The following SARS2 variants were observed in gnomAD, a reference collection of about 807,000 sequenced individuals.
SARS2 encodes serine--tRNA ligase, mitochondrial.
Under a neutral mutation model 66.8 loss-of-function variants are expected in SARS2, and 52 were observed. That is an observed-to-expected ratio of 0.78 (90% CI 0.62 to 0.98). The LOEUF (loss-of-function observed/expected upper bound fraction) is 0.98, where lower values mean the gene tolerates loss of function less well. SARS2 is among the 50% of genes least tolerant of loss of function. The probability of loss-of-function intolerance (pLI) is 0.00; values close to 1 mark genes in which losing one functional copy is unlikely to be tolerated. For missense variants in SARS2, 673 were observed against 706.3 expected, an observed-to-expected ratio of 0.95 and a Z score of 0.53; for synonymous variants, 306 against 281.4, an observed-to-expected ratio of 1.09 and a Z score of -0.87.
chr19:38,919,908 T>C, intron 6 of SARS2, 41 bp from the exon 7 acceptor site: 1 of 1,568,614 alleles, frequency 6.4e-7, no homozygotes, highest in Non-Finnish European at 8.8e-7. Flanking sequence ...TGGGCCAGGC[T>C]GGCAGGGAAT....
At chr19:38,922,040 A>G in intron 3 of SARS2, 198 bp downstream of exon 3, 1 of 1,556,332 alleles carries the variant, frequency 6.4e-7, no homozygotes, top group Middle Eastern at 1.7e-4. Flanking sequence ...GGAGGAACGT[A>G]GGACCAAATA....
rs781348902 is a variant in SARS2, at chr19:38,930,755, C to A, written c.-19G>T. On this transcript the variant is annotated 5_prime_UTR_variant, in exon 1 of 16. Transcript: ENST00000221431. ...CAGCCATCTTGGACCGGGAACAAGG[C>A]GGCACTTCGTCCCGCCCACTCCGCG... The A allele has an allele frequency of 1.7e-5, 27 of 1,610,298 alleles. No homozygotes were observed. The East Asian group carries it at 5.3e-4, about 32-fold the overall frequency.
intron 11 of SARS2, 29 bp downstream of exon 11, chr19:38,917,892 C>G (rs753125775): frequency 4.3e-6 from 7 of 1,613,410 alleles, no homozygotes; most frequent in Middle Eastern, 1.6e-4. Context: ...CCCCCCACCC[C>G]AGCCCCGTTT....
At chr19:38,918,231 C>A in intron 9 of SARS2, 92 bp from the exon 10 acceptor site, 1 of 1,393,310 alleles carries the variant, frequency 7.2e-7, no homozygotes, top group Non-Finnish European at 1.0e-6. Context: ...GTGGATGCAA[C>A]CCCAGGTCAA....
Position 38,930,562 on chromosome 19 carries a change from C to G in SARS2, c.175G>C (p.Asp59His), listed in dbSNP as rs886054430. 12 of 1,613,786 alleles carry G rather than the reference C, an allele frequency of 7.4e-6. No homozygotes were observed. Among genetic ancestry groups the G allele is most frequent in the African/African-American group, 1.3e-5 (1 of 74,940 alleles). ...GGGCATGCGCAGAACCGCTCTATGT[C>G]CAGCTGAGGGAGTGCGCTGTAGCCC... is the stretch of plus-strand genomic sequence containing the variant. ...REGYSALPQL[D>H]IERFCACPEE... Residue 59 changes from aspartate to histidine, a missense_variant, in exon 1 of 16, where the codon GAC (aspartate) becomes CAC (histidine). Asp to His is a moderately conservative substitution (Grantham distance 81, BLOSUM62 -1). Transcript: ENST00000221431.
At chr19:38,917,353 G>A (rs1974435456) in intron 12 of SARS2, among the ~76,000 whole-genome samples, 1 of 152,224 alleles carries the variant, frequency 6.6e-6, no homozygotes. Flanking sequence ...AGGGTGAGAG[G>A]AAGTGGGGTT....
intron 2 of SARS2, among the ~76,000 whole-genome samples, chr19:38,925,988 G>A (rs1284660563): frequency 6.6e-6 from 1 of 152,090 alleles, no homozygotes; most frequent in Non-Finnish European, 1.5e-5. Flanking sequence ...CCTAACTTTT[G>A]TATTTTTAGT....
chr19:38,925,170 G>A (rs900756952), intron 2 of SARS2, among the ~76,000 whole-genome samples: 2 of 152,064 alleles, frequency 1.3e-5, no homozygotes, highest in East Asian at 1.9e-4. Context: ...AAAATTAGCC[G>A]GGCGTGGTGG....
rs144697966 is a variant in SARS2, at chr19:38,918,480, G to C, written c.858C>G (p.Ile286Met). 3.2e-4 allele frequency: 520 copies of C among 1,614,084 alleles called. No homozygotes were observed. The highest frequency in any genetic ancestry group is 4.0e-4 in the Non-Finnish European group (467 of 1,180,028). The change falls in exon 9 of 16, where the codon ATC becomes ATG. Residue 286 changes from isoleucine (I) to methionine (M), a missense_variant. Ile to Met is a conservative substitution (Grantham distance 10, BLOSUM62 1). Coordinates refer to ENST00000221431, the MANE Select transcript of SARS2 (RefSeq NM_017827.4). The part of the protein sequence containing the change: ...PNANPSQIYN[I>M]DPARFKDLNL... ...TGAGATCTTTGAAGCGGGCAGGGTC[G>C]ATGTTGTAAATTTGGGATGGGTTGG...
Position 38,915,584 on chromosome 19 carries a change from G to T in SARS2, c.*22C>A, listed in dbSNP as rs199819134. ...AACTCCAGGAAGCAGTGACACCCCC[G>T]AGGGCTGCTGTGGGTGGGTTCTTAG... On this transcript the variant is annotated 3_prime_UTR_variant, in exon 16 of 16. Coordinates refer to ENST00000221431, the MANE Select transcript of SARS2 (RefSeq NM_017827.4). The T allele has an allele frequency of 4.3e-6, 7 of 1,609,972 alleles. No individual in the cohort carries two copies. In the East Asian group the frequency reaches 1.6e-4, roughly 36 times the overall value.
rs762837815 is a variant in SARS2 at position 38,918,449 on chromosome 19, C to A, written c.889G>T (p.Ala297Ser). ...GCAAGCCCCACCTCCGCTGTTCCAG[C>A]CAGGTTGAGATCTTTGAAGCGGGCA... The part of the protein sequence containing the change: ...DPARFKDLNL[A>S]GTAEVGLAGY... The change falls in exon 9 of 16, where the codon GCT (alanine) becomes TCT (serine). Residue 297 changes from alanine to serine, a missense_variant. Ala to Ser is a moderately conservative substitution (Grantham distance 99). Coordinates refer to ENST00000221431, the MANE Select transcript of SARS2 (RefSeq NM_017827.4). 1.2e-6 allele frequency: 2 copies of A among 1,614,178 alleles called. No individual in the cohort carries two copies. The highest frequency in any genetic ancestry group is 3.3e-5 in the Admixed American group (2 of 60,030).
In SARS2 at chr19:38,916,326, G is replaced by A; in HGVS notation, c.1161-12C>T. 1 of 1,612,658 alleles carries A rather than the reference G, an allele frequency of 6.2e-7. No homozygotes were observed. On this transcript the variant is annotated splice_polypyrimidine_tract_variant and intron_variant, in intron 12 of 15. Transcript: ENST00000221431. Reference sequence around the variant, plus strand: ...GCATATCCAGGACCCTGCGGTCAAGGACGAAGGTGTGGGGAAGGTCAGCGG... The same window carrying A: ...GCATATCCAGGACCCTGCGGTCAAGAACGAAGGTGTGGGGAAGGTCAGCGG...
intron 5 of SARS2, 45 bp downstream of exon 5, chr19:38,921,347 C>A (rs756056889): frequency 6.2e-7 from 1 of 1,606,880 alleles, no homozygotes; most frequent in East Asian, 2.2e-5. Context: ...CCAGAACCCC[C>A]ACACCGCAGG....
chr19:38,921,380 G>A lies in SARS2; in HGVS notation c.589+12C>T. ...AGGGCTTGTCAGCTCCCAGGCCTGG[G>A]GTGTGGCCCACCTGGCTTGTCTCCG... On this transcript the variant is annotated intron_variant, in intron 5 of 15. Coordinates refer to ENST00000221431, the MANE Select transcript of SARS2 (RefSeq NM_017827.4). The A allele has an allele frequency of 6.2e-7, 1 of 1,612,806 alleles. No individual in the cohort carries two copies. The highest frequency in any genetic ancestry group is 8.5e-7 in the Non-Finnish European group (1 of 1,179,880).
chr19:38,924,396 G>C (rs911584100), intron 2 of SARS2, among the ~76,000 whole-genome samples: 3 of 152,198 alleles, frequency 2.0e-5, no homozygotes, highest in Non-Finnish European at 4.4e-5. Context: ...GATGATAACA[G>C]GACCTCCCTG....
chr19:38,920,980 A>ACACAT (rs1974517880), intron 5 of SARS2, among the ~76,000 whole-genome samples: 1 of 138,230 alleles, frequency 7.2e-6, no homozygotes, highest in Non-Finnish European at 1.6e-5. Context: ...GACACACACA[A>ACACAT]ACACAGACAC....
At chr19:38,922,612 A>C (rs2144773664) in intron 2 of SARS2, among the ~76,000 whole-genome samples, 1 of 152,204 alleles carries the variant, frequency 6.6e-6, no homozygotes. Flanking sequence ...TCTCCACCCA[A>C]ATAATATCTC....
At position 38,930,518 on chromosome 19, in the gene SARS2, G is replaced by A. The variant is rs778590500; in HGVS notation, c.219C>T (p.Ala73=). ...FCACPEEAAH[A]LELRKGELRS... ...GCAGCTCCCCCTTGCGGAGCTCCAG[G>A]GCGTGTGCGGCCTCTTCTGGGCATG... The change falls in exon 1 of 16, where the codon GCC becomes GCT. Residue 73 remains alanine (A), a synonymous_variant. Coordinates refer to ENST00000221431, the MANE Select transcript of SARS2 (RefSeq NM_017827.4). The A allele has an allele frequency of 2.5e-6, 4 of 1,612,730 alleles. No individual in the cohort carries two copies. Among genetic ancestry groups the A allele is most frequent in the South Asian group, 1.1e-5 (1 of 91,086 alleles).
chr19:38,921,657 T>C lies in SARS2; in HGVS notation c.404A>G (p.Tyr135Cys), dbSNP rs1974539681. Residue 135 changes from tyrosine (Y) to cysteine (C), a missense_variant, in exon 4 of 16, where the codon TAC becomes TGC. Transcript: ENST00000221431. ...CCGGCCACGTGCCCGCAGACCCTGGTACTTGGGGTCCTGGGGGCAGCACAG... is the reference window on the plus strand; with the variant it reads ...CCGGCCACGTGCCCGCAGACCCTGGCACTTGGGGTCCTGGGGGCAGCACAG... Reference protein sequence around the residue: ...DSGEVQQDPKYQGLRARGREI... With the variant: ...DSGEVQQDPKCQGLRARGREI... 6.2e-7 allele frequency: 1 copy of C among 1,614,100 alleles called. No homozygotes were observed. Among genetic ancestry groups the C allele is most frequent in the African/African-American group, 1.3e-5 (1 of 75,046 alleles).
Sources: allele counts gnomAD v4.1 joint callset (sites outside exome capture counted in the v4.1 genomes callset), GRCh38; gene constraint gnomAD v4.1.1; transcripts MANE v1.5; gene names NCBI Gene and HGNC (gene_info 2026-07-23, HGNC 2026-07-21).